GALNT10: variants seen among roughly 807,000 people sequenced by gnomAD.
The protein encoded by GALNT10 is GalNAc transferase 10.
In GALNT10, 41 loss-of-function variants were observed where a neutral mutation model predicts 75.0. The ratio of observed to expected loss-of-function variants is 0.55; its 90% CI spans 0.43 to 0.71. The LOEUF (loss-of-function observed/expected upper bound fraction) is 0.71, where lower values mean the gene tolerates loss of function less well. Ranked by LOEUF, GALNT10 falls within the 30% of genes least tolerant of loss-of-function variation. GALNT10 has a pLI of 0.00. For missense variants in GALNT10, 727 were observed against 818.5 expected (o/e 0.89, Z 1.36); for synonymous variants, 302 against 313.0 (o/e 0.96, Z 0.37).
chr5:154,280,729 C>T (rs1754027354), intron 1 of GALNT10, among the ~76,000 whole-genome samples: 2 of 152,188 alleles, frequency 1.3e-5, no homozygotes, highest in African/African-American at 4.8e-5. Context: ...GATTTTCTCA[C>T]ATACTTTCTT....
At chr5:154,256,974 T>C (rs903535172) in intron 1 of GALNT10, among the ~76,000 whole-genome samples, 2 of 152,028 alleles carry the variant, frequency 1.3e-5, no homozygotes, top group Admixed American at 6.6e-5. Context: ...ATTTTCAAGG[T>C]GTAGAAACAG....
At chr5:154,368,549 C>CA (rs1395073742) in intron 4 of GALNT10, among the ~76,000 whole-genome samples, 2 of 152,208 alleles carry the variant, frequency 1.3e-5, no homozygotes, top group East Asian at 3.9e-4. Context: ...AATTGTCTTA[C>CA]AAGCGGACTC....
intron 7 of GALNT10, among the ~76,000 whole-genome samples, chr5:154,390,189 C>G (rs543857362): frequency 8.5e-5 from 13 of 152,204 alleles, no homozygotes; most frequent in Admixed American, 3.9e-4. Context: ...GAGAATTTCA[C>G]AAAGCCCCTG....
Position 154,336,662 on chromosome 5 carries a change from T to C in GALNT10, c.568+6924T>C, listed in dbSNP as rs1308157591. On this transcript the variant is annotated intron_variant, in intron 4 of 11. Transcript: ENST00000297107. ...TCAGTGTTTTATAATTTCTGTTTTC[T>C]TTTTCCTACCCTCCCAATTCCCCTC... Among the ~76,000 whole-genome samples, 17 of 152,334 alleles carry C rather than the reference T, an allele frequency of 1.1e-4. No individual in the cohort carries two copies. In the East Asian group the frequency reaches 3.3e-3, roughly 29 times the overall value.
chr5:154,202,845 G>T (rs1384246560), intron 1 of GALNT10, among the ~76,000 whole-genome samples: 2 of 152,086 alleles, frequency 1.3e-5, no homozygotes, highest in South Asian at 2.1e-4. Context: ...TGGGGGTGGG[G>T]TCTCCCAGCA....
At chr5:154,261,356 G>A (rs1031067554) in intron 1 of GALNT10, among the ~76,000 whole-genome samples, 2 of 152,152 alleles carry the variant, frequency 1.3e-5, no homozygotes, top group Non-Finnish European at 2.9e-5. Context: ...TGTCCACACT[G>A]TCCAGCAACA....
At chr5:154,397,226 C>T (rs1216004515) in intron 7 of GALNT10, among the ~76,000 whole-genome samples, 2 of 147,926 alleles carry the variant, frequency 1.4e-5, no homozygotes, top group Admixed American at 6.8e-5. Context: ...ATCCAGTAAA[C>T]ATCCAAAACC....
rs188113980 is a variant in GALNT10 at position 154,259,223 on chromosome 5, G to A, written c.160-35593G>A. On this transcript the variant is annotated intron_variant, in intron 1 of 11. Coordinates refer to ENST00000297107, the MANE Select transcript of GALNT10 (RefSeq NM_198321.4). The stretch of plus-strand genomic sequence containing the variant: ...TCCTCAGTCTTTTGTTTTTCATGAC[G>A]TTGGCACTTTGGAAAACAGTAGCCA... Among the ~76,000 whole-genome samples the A allele has an allele frequency of 1.3e-3, 190 of 151,920 alleles. 1 individual carries two copies. The highest frequency in any genetic ancestry group is 3.5e-3 in the South Asian group (17 of 4,816).
At chr5:154,285,753 C>A (rs1382932463) in intron 1 of GALNT10, among the ~76,000 whole-genome samples, 5 of 152,090 alleles carry the variant, frequency 3.3e-5, no homozygotes, top group Admixed American at 3.3e-4. Flanking sequence ...AGAGAGCTTT[C>A]CAAATGCAAC....
At chr5:154,396,024 G>A (rs1183117989) in intron 7 of GALNT10, among the ~76,000 whole-genome samples, 1 of 152,180 alleles carries the variant, frequency 6.6e-6, no homozygotes. Context: ...ATGCTCAGGC[G>A]TGGGTGTGGA....
intron 1 of GALNT10, among the ~76,000 whole-genome samples, chr5:154,268,830 TTATTAA>T (rs1222859251): frequency 3.3e-5 from 5 of 152,178 alleles, no homozygotes; most frequent in Non-Finnish European, 1.5e-5. Context: ...TCCAGGGAAC[TTATTAA>T]TATTAAAATT....
intron 7 of GALNT10, among the ~76,000 whole-genome samples, chr5:154,400,692 G>A (rs1259781633): frequency 6.6e-6 from 1 of 152,174 alleles, no homozygotes; most frequent in Non-Finnish European, 1.5e-5. Flanking sequence ...CTGTGTGTAG[G>A]TATAAAAGGG....
intron 4 of GALNT10, among the ~76,000 whole-genome samples, chr5:154,356,559 T>G (rs1755301257): frequency 6.6e-6 from 1 of 152,236 alleles, no homozygotes; most frequent in South Asian, 2.1e-4. Context: ...CTTTTCAAGC[T>G]TTTTTCCTTT....
At chr5:154,314,399 G>A (rs1342044740) in intron 3 of GALNT10, among the ~76,000 whole-genome samples, 1 of 152,140 alleles carries the variant, frequency 6.6e-6, no homozygotes, top group Non-Finnish European at 1.5e-5. Context: ...ATGTGGATAT[G>A]CTGTCTCCCT....
intron 3 of GALNT10, among the ~76,000 whole-genome samples, chr5:154,324,968 A>G (rs1754734982): frequency 6.6e-6 from 1 of 151,760 alleles, no homozygotes; most frequent in Non-Finnish European, 1.5e-5. Context: ...TCCTAGAAGG[A>G]GGGAAAAAAC....
At chr5:154,293,613 A>ATATATATTTTTTTTTTTTTT in intron 1 of GALNT10, among the ~76,000 whole-genome samples, 1 of 109,358 alleles carries the variant, frequency 9.1e-6, no homozygotes, top group African/African-American at 4.2e-5. Flanking sequence ...ATATATATAT[A>ATATATATTTTTTTTTTTTTT]TTTTTTTTTT....
intron 5 of GALNT10, among the ~76,000 whole-genome samples, chr5:154,377,924 G>A (rs1171225256): frequency 1.3e-5 from 2 of 152,108 alleles, no homozygotes; most frequent in East Asian, 3.9e-4. Flanking sequence ...CCATTTGTAG[G>A]GTCATTCAGT....
intron 4 of GALNT10, among the ~76,000 whole-genome samples, chr5:154,362,905 A>T (rs531002674): frequency 2.0e-5 from 3 of 152,146 alleles, no homozygotes; most frequent in Admixed American, 1.3e-4. Context: ...GGAGGCAGAG[A>T]GCATGGTGTC....
chr5:154,247,058 A>G (rs1422690101), intron 1 of GALNT10, among the ~76,000 whole-genome samples: 1 of 152,188 alleles, frequency 6.6e-6, no homozygotes, highest in African/African-American at 2.4e-5. Flanking sequence ...ACCATGTATT[A>G]AATAGGGAAT....
Sources: allele counts gnomAD v4.1 joint callset (sites outside exome capture counted in the v4.1 genomes callset), GRCh38; gene constraint gnomAD v4.1.1; transcripts MANE v1.5; gene names NCBI Gene and HGNC (gene_info 2026-07-23, HGNC 2026-07-21).